NCR1: variants seen among roughly 807,000 people sequenced by gnomAD.
NCR1 encodes the protein NK cell-activating receptor.
NCR1 carries 30 observed loss-of-function variants against 32.5 expected under a neutral mutation model. That is an observed-to-expected ratio of 0.92 (90% CI 0.69 to 1.25). NCR1 has a LOEUF of 1.25. Among genes scored for constraint, NCR1 ranks in the 50% most tolerant of loss-of-function variants. NCR1 has a pLI of 0.00. For synonymous variants in NCR1, 169 were observed against 143.4 expected (o/e 1.18, Z -1.28); for missense variants, 369 against 380.7 (o/e 0.97, Z 0.26).
chr19:54,899,720 C>T, the NCR1 span, among the ~76,000 whole-genome samples: 1 of 151,572 alleles, frequency 6.6e-6, no homozygotes, highest in Non-Finnish European at 1.5e-5. Flanking sequence ...GGGGTTCTTG[C>T]CCCCCCAGAA....
At chr19:54,937,628 C>T in the NCR1 span, among the ~76,000 whole-genome samples, 2 of 149,752 alleles carry the variant, frequency 1.3e-5, no homozygotes, top group African/African-American at 2.5e-5. Context: ...CCAGGTGCAG[C>T]GGCTCATGCC....
chr19:54,904,302 A>C (rs587731414), upstream of NCR1, among the ~76,000 whole-genome samples: 16 of 152,000 alleles, frequency 1.1e-4, no homozygotes, highest in East Asian at 2.3e-3. Flanking sequence ...AACTTATCCA[A>C]GCATATGTAT....
chr19:54,909,562 T>C lies in NCR1; in HGVS notation c.634+39T>C, dbSNP rs1196730828. ...CAATTCCCCACACCCTTCGCCGCCATGTGCTACCTGGAGCCCTGAGGGATC... is the reference window on the plus strand; with the variant it reads ...CAATTCCCCACACCCTTCGCCGCCACGTGCTACCTGGAGCCCTGAGGGATC... On this transcript the variant is annotated intron_variant, in intron 4 of 6. Coordinates refer to ENST00000291890, the MANE Select transcript of NCR1 (RefSeq NM_004829.7). 5 of 1,577,678 alleles carry C rather than the reference T, an allele frequency of 3.2e-6. No individual in the cohort carries two copies. In the African/African-American group the frequency reaches 5.4e-5, roughly 17 times the overall value.
chr19:54,903,625 C>T (rs376826678), upstream of NCR1, among the ~76,000 whole-genome samples: 18 of 140,044 alleles, frequency 1.3e-4, no homozygotes, highest in East Asian at 4.3e-4. Flanking sequence ...TATACATGTA[C>T]GGTACTATGC....
At chr19:54,927,377 G>A in the NCR1 span, among the ~76,000 whole-genome samples, 78,682 of 146,644 alleles carry the variant, frequency 0.54, 21,334 homozygotes, top group East Asian at 0.72. Flanking sequence ...ACAAAACTCC[G>A]TCTCAAAAAA....
chr19:54,906,257 T>C (rs1490149387), intron 1 of NCR1, 36 bp downstream of exon 1: 2 of 1,614,042 alleles, frequency 1.2e-6, no homozygotes, highest in Middle Eastern at 1.6e-4. Context: ...GGGATCACGG[T>C]GTGCCTGGGA....
In NCR1 at chr19:54,906,222, G is replaced by T; in HGVS notation, c.34+1G>T. 2 of 1,614,190 alleles carry T rather than the reference G, an allele frequency of 1.2e-6. No homozygotes were observed. Among genetic ancestry groups the T allele is most frequent in the Non-Finnish European group, 8.5e-7 (1 of 1,180,042 alleles). On this transcript the variant is annotated splice_donor_variant, in intron 1 of 6. Transcript: ENST00000291890. LOFTEE classifies it high-confidence loss of function. The stretch of plus-strand genomic sequence containing the variant: ...ACACTCCCTGCCCTGCTCTGCGTCG[G>T]TGAGTTCTGGCGTGGAAGGGGAATG...
the NCR1 span, among the ~76,000 whole-genome samples, chr19:54,936,039 C>T: frequency 6.6e-6 from 1 of 152,108 alleles, no homozygotes; most frequent in Non-Finnish European, 1.5e-5. Flanking sequence ...GAACCCAGCA[C>T]AGAATTCGGG....
At chr19:54,908,861 C>T (rs2067786518) in intron 3 of NCR1, among the ~76,000 whole-genome samples, 1 of 151,974 alleles carries the variant, frequency 6.6e-6, no homozygotes, top group African/African-American at 2.4e-5. Context: ...AACTCCTGAC[C>T]CAGGAGGTCG....
At chr19:54,922,414 A>G in the NCR1 span, among the ~76,000 whole-genome samples, 1 of 152,136 alleles carries the variant, frequency 6.6e-6, no homozygotes, top group Admixed American at 6.6e-5. Context: ...AAGCCGAGAG[A>G]AACGGGGAGG....
chr19:54,912,650 T>C (rs760687479), intron 6 of NCR1, 40 bp from the exon 7 acceptor site: 6 of 741,882 alleles, frequency 8.1e-6, no homozygotes, highest in Admixed American at 4.9e-5. Context: ...AGGGTGTCCT[T>C]ACATCCCTGT....
intron 4 of NCR1, 58 bp from the exon 5 acceptor site, chr19:54,909,955 AAGAAT>A (rs2067874916): frequency 7.2e-7 from 1 of 1,386,006 alleles, no homozygotes; most frequent in Non-Finnish European, 1.0e-6. Flanking sequence ...AAAAAAAAAA[AAGAAT>A]GGCAAGACCG....
chr19:54,936,552 T>C, the NCR1 span: 1 of 877,114 alleles, frequency 1.1e-6, no homozygotes, highest in Non-Finnish European at 1.9e-6. Flanking sequence ...CCGGGTGCAG[T>C]GGCTCGTGTC....
chr19:54,903,023 G>A (rs1000822445), upstream of NCR1, among the ~76,000 whole-genome samples: 2 of 151,918 alleles, frequency 1.3e-5, no homozygotes, highest in African/African-American at 4.8e-5. Context: ...CCAGCTACTT[G>A]GGAGGCTAGA....
chr19:54,933,714 C>T, the NCR1 span: 99 of 1,614,166 alleles, frequency 6.1e-5, no homozygotes, highest in African/African-American at 1.2e-3. Context: ...TTGCAACTGG[C>T]TTCTGTAAGA....
the NCR1 span, chr19:54,927,604 C>T: frequency 1.9e-6 from 3 of 1,613,712 alleles, no homozygotes; most frequent in Non-Finnish European, 2.5e-6. Flanking sequence ...AAAACCCATA[C>T]CTGAGTATCT....
the NCR1 span, among the ~76,000 whole-genome samples, chr19:54,926,266 C>T: frequency 6.6e-6 from 1 of 151,656 alleles, no homozygotes; most frequent in South Asian, 2.1e-4. Flanking sequence ...CCAGTCTGTA[C>T]TCCAGGATGA....
upstream of NCR1, among the ~76,000 whole-genome samples, chr19:54,904,634 G>A (rs587750960): frequency 1.0e-4 from 15 of 149,962 alleles, no homozygotes; most frequent in South Asian, 3.2e-3. Flanking sequence ...CCAGGTTCAA[G>A]CAATTCTCCT....
At chr19:54,927,474 T>C in the NCR1 span, 1 of 819,300 alleles carries the variant, frequency 1.2e-6, no homozygotes, top group Non-Finnish European at 2.0e-6. Flanking sequence ...GAGAATTGCT[T>C]GAACCTGAGA....
Sources: allele counts gnomAD v4.1 joint callset (sites outside exome capture counted in the v4.1 genomes callset), GRCh38; gene constraint gnomAD v4.1.1; transcripts MANE v1.5; gene names NCBI Gene and HGNC (gene_info 2026-07-23, HGNC 2026-07-21).